The following SERBP1 variants were observed in gnomAD, a reference collection of about 807,000 sequenced individuals.
SERBP1 encodes the protein SERPINE1 mRNA binding protein 1.
A neutral mutation model predicts 50.2 loss-of-function variants in SERBP1; 6 were observed. That is an observed-to-expected ratio of 0.12 (90% CI 0.07 to 0.24). The LOEUF is 0.24. Among genes scored for constraint, SERBP1 ranks in the 10% least tolerant of loss-of-function variants. The probability of loss-of-function intolerance (pLI) is 1.00; values close to 1 mark genes in which losing one functional copy is unlikely to be tolerated. For missense variants in SERBP1, 346 were observed against 524.9 expected (o/e 0.66, Z 3.33); for synonymous variants, 168 against 182.8 (o/e 0.92, Z 0.65).
Position 67,419,897 on chromosome 1 carries a change from C to T in SERBP1, c.951+112G>A, listed in dbSNP as rs1667149046. ...AGCAAATTATCTGCCCCAAATGATC[C>T]TATGTAAAGCTTTAACAGACAAATA... On this transcript the variant is annotated intron_variant, in intron 6 of 7. Transcript: ENST00000361219. 3.5e-6 allele frequency: 3 copies of T among 855,426 alleles called. No homozygotes were observed. The South Asian group carries it at 5.2e-5, about 15-fold the overall frequency. 53.0% of individuals were successfully genotyped at this position (855,426 alleles called of 1,614,324 possible). A position where few individuals can be genotyped will look rare whatever the true frequency, so the allele number is the denominator to read the frequency against.
At chr1:67,428,891 C>T (rs1667472946) in intron 1 of SERBP1, among the ~76,000 whole-genome samples, 1 of 152,174 alleles carries the variant, frequency 6.6e-6, no homozygotes, top group African/African-American at 2.4e-5. Flanking sequence ...TTTCAACTTT[C>T]AACATATAAA....
Position 67,411,860 on chromosome 1 carries a change from GA to G in SERBP1, c.*1346del. Reference sequence around the variant, plus strand: ...TGTGGCAGAATAAAAGACAATCCTAGAAAACTTTTTTAATTCATCATTCTAT... The same window carrying G: ...TGTGGCAGAATAAAAGACAATCCTAGAAACTTTTTTAATTCATCATTCTAT... On this transcript the variant is annotated 3_prime_UTR_variant, in exon 8 of 8. Transcript: ENST00000361219. The G allele has an allele frequency of 6.6e-6, 1 of 152,224 alleles. No homozygotes were observed. The highest frequency in any genetic ancestry group is 1.5e-5 in the Non-Finnish European group (1 of 67,976). 9.4% of individuals were successfully genotyped at this position (152,224 alleles called of 1,614,324 possible).
rs371736338 is a variant in SERBP1, at chr1:67,408,958, A to C, written c.*4249T>G. On this transcript the variant is annotated 3_prime_UTR_variant, in exon 8 of 8. Transcript: ENST00000361219. ...GACCACTTAATTTGTACCTAGAACT[A>C]AACTTTTATTTTTCAGACAGTGTGT... 6.6e-6 allele frequency: 1 copy of C among 152,064 alleles called. No homozygotes were observed. Among genetic ancestry groups the C allele is most frequent in the Non-Finnish European group, 1.5e-5 (1 of 68,010 alleles). The allele number at this position is 152,064 out of a possible 1,614,324, so 9.4% of individuals were successfully genotyped here.
intron 5 of SERBP1, among the ~76,000 whole-genome samples, chr1:67,421,913 T>A (rs1020270537): frequency 6.6e-6 from 1 of 152,090 alleles, no homozygotes; most frequent in African/African-American, 2.4e-5. Context: ...CACTCTAGCA[T>A]GGGAGACAGG....
At chr1:67,423,932 C>T (rs1667286830) in intron 5 of SERBP1, among the ~76,000 whole-genome samples, 1 of 152,148 alleles carries the variant, frequency 6.6e-6, no homozygotes, top group Admixed American at 6.5e-5. Flanking sequence ...CCTGTAATCC[C>T]AGCACTTTGG....
intron 1 of SERBP1, among the ~76,000 whole-genome samples, chr1:67,426,581 A>G (rs942017728): frequency 1.3e-5 from 2 of 152,246 alleles, no homozygotes; most frequent in Non-Finnish European, 2.9e-5. Flanking sequence ...AGCATTTTCT[A>G]TAACTGACTT....
intron 7 of SERBP1, among the ~76,000 whole-genome samples, chr1:67,414,769 G>C (rs1467154837): frequency 6.6e-6 from 1 of 152,192 alleles, no homozygotes; most frequent in Non-Finnish European, 1.5e-5. Context: ...CTAAAAAGCA[G>C]TTAGGAATTA....
chr1:67,419,164 T>C (rs1455011184), intron 6 of SERBP1, among the ~76,000 whole-genome samples: 3 of 152,246 alleles, frequency 2.0e-5, no homozygotes, highest in Non-Finnish European at 4.4e-5. Context: ...ATCCCTTTTC[T>C]TCCTATCCAA....
At chr1:67,417,117 CG>C (rs1387634624) in intron 6 of SERBP1, 1 of 152,156 alleles carries the variant, frequency 6.6e-6, no homozygotes, top group Non-Finnish European at 1.5e-5. Flanking sequence ...CGCTTGAGCA[CG>C]GGGAGGTTGA....
Position 67,424,976 on chromosome 1 carries a change from A to T in SERBP1, c.607T>A (p.Ser203Thr). The T allele has an allele frequency of 6.2e-7, 1 of 1,612,808 alleles. No homozygotes were observed. Among genetic ancestry groups the T allele is most frequent in the Non-Finnish European group, 8.5e-7 (1 of 1,179,708 alleles). Residue 203 changes from serine (S) to threonine (T), a missense_variant and splice_region_variant, in exon 4 of 8, where the codon TCT (serine) becomes ACT (threonine). Ser to Thr is a moderately conservative substitution (Grantham distance 58). Coordinates refer to ENST00000361219, the MANE Select transcript of SERBP1 (RefSeq NM_001018069.2). ...TTCAGGCCACTGTAATGTGAAAAAGAACTAACAAAACTGAGTTAACATAAT... is the reference window on the plus strand; with the variant it reads ...TTCAGGCCACTGTAATGTGAAAAAGTACTAACAAAACTGAGTTAACATAAT... ...FDRHSGSDRS[S>T]FSHYSGLKHE...
At chr1:67,427,070 A>C (rs951720755) in intron 1 of SERBP1, among the ~76,000 whole-genome samples, 1 of 152,204 alleles carries the variant, frequency 6.6e-6, no homozygotes, top group Non-Finnish European at 1.5e-5. Flanking sequence ...CAAGTTAGGA[A>C]ACAGTTACTT....
chr1:67,415,595 C>A (rs957523214), intron 6 of SERBP1, among the ~76,000 whole-genome samples: 1 of 152,190 alleles, frequency 6.6e-6, no homozygotes, highest in African/African-American at 2.4e-5. Flanking sequence ...TATGCTATCA[C>A]AATCAACCCA....
Position 67,415,208 on chromosome 1 carries a change from A to C in SERBP1, c.1083T>G (p.Arg361=), listed in dbSNP as rs1666964277. 3 of 1,610,532 alleles carry C rather than the reference A, an allele frequency of 1.9e-6. No homozygotes were observed. Among genetic ancestry groups the C allele is most frequent in the Non-Finnish European group, 2.5e-6 (3 of 1,178,590 alleles). Reference sequence around the variant, plus strand: ...CACGGTTTGGGCGCCCACCACGCCCACGTCCACCTCGTCCTCCCCTGCCGC... The same window carrying C: ...CACGGTTTGGGCGCCCACCACGCCCCCGTCCACCTCGTCCTCCCCTGCCGC... ...GRGGRGGRGG[R]GRGGRPNRGS... Residue 361 remains arginine, a synonymous_variant, in exon 7 of 8, where the codon CGT becomes CGG. Transcript: ENST00000361219.
chr1:67,418,386 A>G (rs1667095178), intron 6 of SERBP1, among the ~76,000 whole-genome samples: 1 of 152,184 alleles, frequency 6.6e-6, no homozygotes, highest in African/African-American at 2.4e-5. Context: ...AACCTAAAAA[A>G]ACTTTTAATC....
At chr1:67,419,184 C>T (rs933930190) in intron 6 of SERBP1, among the ~76,000 whole-genome samples, 3 of 152,186 alleles carry the variant, frequency 2.0e-5, no homozygotes, top group Non-Finnish European at 4.4e-5. Context: ...AAATAAAGAC[C>T]TTTGTGATGA....
chr1:67,418,533 G>A (rs555563094), intron 6 of SERBP1, among the ~76,000 whole-genome samples: 5 of 152,156 alleles, frequency 3.3e-5, no homozygotes, highest in East Asian at 1.9e-4. Flanking sequence ...TGAGGCAGGC[G>A]GGGATCACTG....
Position 67,429,980 on chromosome 1 carries a change from T to C in SERBP1, c.313+8A>G, listed in dbSNP as rs1570312018. On this transcript the variant is annotated splice_region_variant and intron_variant, in intron 1 of 7. Coordinates refer to ENST00000361219, the MANE Select transcript of SERBP1 (RefSeq NM_001018069.2). Reference sequence around the variant, plus strand: ...CCCAGTCTCCCCCACATTCTGCCCCTGCTTTACCTTCTTTCTTAAGCGCCA... The same window carrying C: ...CCCAGTCTCCCCCACATTCTGCCCCCGCTTTACCTTCTTTCTTAAGCGCCA... The C allele has an allele frequency of 2.5e-6, 4 of 1,595,684 alleles. No homozygotes were observed. Among genetic ancestry groups the C allele is most frequent in the Admixed American group, 3.5e-5 (2 of 57,480 alleles).
At chr1:67,421,321 G>A (rs1209617720) in intron 5 of SERBP1, among the ~76,000 whole-genome samples, 10 of 152,096 alleles carry the variant, frequency 6.6e-5, no homozygotes, top group African/African-American at 1.9e-4. Flanking sequence ...ATATCATGGA[G>A]GCATGACACC....
At chr1:67,426,047 A>C in intron 2 of SERBP1, 88 bp downstream of exon 2, 1 of 1,095,894 alleles carries the variant, frequency 9.1e-7, no homozygotes, top group Non-Finnish European at 1.3e-6. Context: ...CCCAGGAAGC[A>C]GAGGCTGCAG....
Sources: gnomAD v4.1 joint callset for allele counts (sites outside exome capture counted in the v4.1 genomes callset) on GRCh38, gnomAD v4.1.1 for gene constraint, MANE v1.5 for transcripts, NCBI Gene and HGNC (gene_info 2026-07-23, HGNC 2026-07-21) for gene names.